TMEM132D: variants seen among roughly 807,000 people sequenced by gnomAD.
TMEM132D encodes the protein transmembrane protein 132D.
TMEM132D carries 21 observed loss-of-function variants against 62.3 expected under a neutral mutation model. The observed-to-expected ratio is 0.34, with a 90% CI of 0.24 to 0.49. The LOEUF is 0.49. TMEM132D is among the 20% of genes least tolerant of loss of function. TMEM132D has a pLI of 0.99. For synonymous variants in TMEM132D, 621 were observed against 575.6 expected (o/e 1.08, Z -1.13); for missense variants, 1,346 against 1,402.8 (o/e 0.96, Z 0.65).
chr12:129,329,614 G>A (rs1172458201), intron 4 of TMEM132D, among the ~76,000 whole-genome samples: 3 of 152,130 alleles, frequency 2.0e-5, no homozygotes, highest in Non-Finnish European at 4.4e-5. Context: ...TACTTGTACT[G>A]ACTTCAAAAC....
chr12:129,214,328 T>C (rs1879143124), intron 4 of TMEM132D, among the ~76,000 whole-genome samples: 1 of 152,220 alleles, frequency 6.6e-6, no homozygotes, highest in African/African-American at 2.4e-5. Flanking sequence ...ATGTTATGCT[T>C]CAAGTATCAG....
intron 5 of TMEM132D, among the ~76,000 whole-genome samples, chr12:129,106,357 G>A (rs1297591498): frequency 1.3e-5 from 2 of 151,450 alleles, no homozygotes; most frequent in African/African-American, 4.9e-5. Context: ...CATGGCACAT[G>A]TATACATATG....
intron 5 of TMEM132D, among the ~76,000 whole-genome samples, chr12:129,191,292 GACACACACACAC>G (rs56128227): frequency 6.9e-6 from 1 of 145,132 alleles, no homozygotes; most frequent in Non-Finnish European, 1.5e-5. Flanking sequence ...AGGGAAATAG[GACACACACACAC>G]ACACACACAC....
intron 3 of TMEM132D, among the ~76,000 whole-genome samples, chr12:129,344,784 T>C (rs560388391): frequency 3.3e-5 from 5 of 152,216 alleles, no homozygotes; most frequent in South Asian, 4.1e-4. Flanking sequence ...GTCTTAGGGA[T>C]TTTAACTTAC....
intron 5 of TMEM132D, among the ~76,000 whole-genome samples, chr12:129,165,469 G>T (rs1040667735): frequency 1.3e-5 from 2 of 152,186 alleles, no homozygotes; most frequent in African/African-American, 4.8e-5. Flanking sequence ...AATGGACAAA[G>T]AAATGGATCA....
At chr12:129,890,968 A>G (rs1874904370) in intron 1 of TMEM132D, among the ~76,000 whole-genome samples, 1 of 152,164 alleles carries the variant, frequency 6.6e-6, no homozygotes, top group African/African-American at 2.4e-5. Flanking sequence ...CCCGAATTCC[A>G]TGGAGGTCAC....
chr12:129,238,338 C>T (rs1286335640), intron 4 of TMEM132D, among the ~76,000 whole-genome samples: 4 of 152,126 alleles, frequency 2.6e-5, no homozygotes, highest in Non-Finnish European at 4.4e-5. Context: ...CGATAAAATA[C>T]ACATAATATA....
At chr12:129,837,956 A>G (rs570582049) in intron 1 of TMEM132D, among the ~76,000 whole-genome samples, 1 of 152,342 alleles carries the variant, frequency 6.6e-6, no homozygotes, top group South Asian at 2.1e-4. Flanking sequence ...GTAATCCAAA[A>G]CATCTATTTT....
At chr12:129,695,509 A>G (rs988763951) in intron 2 of TMEM132D, among the ~76,000 whole-genome samples, 2 of 152,382 alleles carry the variant, frequency 1.3e-5, no homozygotes, top group Admixed American at 1.3e-4. Flanking sequence ...GGGATGTACA[A>G]TCCCAGGTAC....
chr12:129,403,971 C>T (rs1014866510), intron 3 of TMEM132D, among the ~76,000 whole-genome samples: 95 of 151,842 alleles, frequency 6.3e-4, no homozygotes, highest in African/African-American at 2.1e-3. Context: ...CAAGGATGCC[C>T]GTGTGCATGG....
At chr12:129,344,727 T>C in intron 3 of TMEM132D, among the ~76,000 whole-genome samples, 1 of 152,138 alleles carries the variant, frequency 6.6e-6, no homozygotes, top group East Asian at 1.9e-4. Flanking sequence ...AATTTCTTGG[T>C]TGCTGTCTCT....
chr12:129,901,328 T>G (rs1329369270), intron 1 of TMEM132D, among the ~76,000 whole-genome samples: 1 of 152,236 alleles, frequency 6.6e-6, no homozygotes, highest in East Asian at 1.9e-4. Context: ...CCTGAATGTA[T>G]AAATCACATC....
At chr12:129,890,355 C>G (rs1021759) in intron 1 of TMEM132D, among the ~76,000 whole-genome samples, 1 of 151,892 alleles carries the variant, frequency 6.6e-6, no homozygotes, top group Non-Finnish European at 1.5e-5. Flanking sequence ...CCGGGCCCTA[C>G]ACCATAGGTG....
intron 5 of TMEM132D, among the ~76,000 whole-genome samples, chr12:129,101,922 T>A (rs115536860): frequency 0.042 from 6,372 of 151,874 alleles, 446 homozygotes; most frequent in African/African-American, 0.15. Context: ...TCTTTTGGAC[T>A]CCATGATTCA....
chr12:129,131,285 T>C (rs1319640289), intron 5 of TMEM132D, among the ~76,000 whole-genome samples: 1 of 152,178 alleles, frequency 6.6e-6, no homozygotes, highest in Non-Finnish European at 1.5e-5. Flanking sequence ...AAGATGACTG[T>C]TGTTGGAGAA....
At chr12:129,116,918 CAAAAAAAAAAA>C (rs60513263) in intron 5 of TMEM132D, among the ~76,000 whole-genome samples, 54 of 59,050 alleles carry the variant, frequency 9.1e-4, no homozygotes, top group African/African-American at 3.1e-3. Flanking sequence ...AAAATTTCCG[CAAAAAAAAAAA>C]AAAAAAAAAA....
intron 2 of TMEM132D, among the ~76,000 whole-genome samples, chr12:129,670,281 C>A (rs1214041679): frequency 6.6e-6 from 1 of 152,152 alleles, no homozygotes; most frequent in Non-Finnish European, 1.5e-5. Flanking sequence ...CTCCTTCTTG[C>A]CTGAGGACTC....
At chr12:129,877,604 C>CGT (rs1757569731) in intron 1 of TMEM132D, among the ~76,000 whole-genome samples, 1 of 87,674 alleles carries the variant, frequency 1.1e-5, no homozygotes, top group Admixed American at 1.5e-4. Flanking sequence ...TAACCAAACG[C>CGT]GCGCGCGCGC....
intron 1 of TMEM132D, among the ~76,000 whole-genome samples, chr12:129,743,364 G>A (rs1363580870): frequency 7.9e-5 from 12 of 152,240 alleles, no homozygotes; most frequent in East Asian, 5.8e-4. Context: ...GCTGCTGTTC[G>A]CACGATAGTA....
Sources: gnomAD v4.1 joint callset for allele counts (sites outside exome capture counted in the v4.1 genomes callset) on GRCh38, gnomAD v4.1.1 for gene constraint, MANE v1.5 for transcripts, NCBI Gene and HGNC (gene_info 2026-07-23, HGNC 2026-07-21) for gene names.